EEIG1: variants seen among roughly 807,000 people sequenced by gnomAD.
The protein encoded by EEIG1 is estrogen-induced osteoclastogenesis regulator 1.
At chr9:127,945,322 C>T in the EEIG1 span, 27 of 1,438,032 alleles carry the variant, frequency 1.9e-5, no homozygotes, top group Admixed American at 2.7e-4. This position sits in a 1 kb window ranked among gnomAD's most constrained non-coding sequence, Gnocchi z 6.5. Flanking sequence ...AAGGCACCAC[C>T]GGGAGAGGTC....
At chr9:127,949,436 A>C in the EEIG1 span, among the ~76,000 whole-genome samples, 8 of 152,030 alleles carry the variant, frequency 5.3e-5, no homozygotes, top group Non-Finnish European at 8.8e-5. Context: ...AGACTCAGAG[A>C]GGGGAAGTGA....
At chr9:127,941,348 C>G in the EEIG1 span, 1 of 152,634 alleles carries the variant, frequency 6.6e-6, no homozygotes, top group Admixed American at 6.5e-5. Context: ...CCCTCCTAGG[C>G]TGGGTGAGGT....
At chr9:127,974,661 G>A in the EEIG1 span, among the ~76,000 whole-genome samples, 15 of 152,242 alleles carry the variant, frequency 9.9e-5, no homozygotes, top group South Asian at 4.1e-4. Context: ...GCTGCCTGCC[G>A]GGATCCAGTG....
At chr9:127,948,091 C>A in the EEIG1 span, 1 of 1,612,108 alleles carries the variant, frequency 6.2e-7, no homozygotes, top group Admixed American at 1.7e-5. Flanking sequence ...AATAGTGGGC[C>A]GAGCCTTGGG....
At chr9:127,948,148 G>A in the EEIG1 span, 7 of 1,613,960 alleles carry the variant, frequency 4.3e-6, no homozygotes, top group Non-Finnish European at 5.9e-6. Flanking sequence ...CCCACTGCTG[G>A]TCCCACCACC....
the EEIG1 span, among the ~76,000 whole-genome samples, chr9:127,972,379 C>A: frequency 6.6e-6 from 1 of 152,198 alleles, no homozygotes; most frequent in Non-Finnish European, 1.5e-5. This position sits in a 1 kb window ranked among gnomAD's most constrained non-coding sequence, Gnocchi z 4.3. Flanking sequence ...GGAGTGCCAG[C>A]GGCCATGCAG....
chr9:127,969,628 T>A, the EEIG1 span, among the ~76,000 whole-genome samples: 6 of 152,112 alleles, frequency 3.9e-5, no homozygotes, highest in Non-Finnish European at 1.5e-5. Context: ...GCCCTCCCCA[T>A]GAACAGCCAA....
the EEIG1 span, chr9:127,948,078 G>A: frequency 2.0e-5 from 33 of 1,611,342 alleles, 1 homozygote; most frequent in South Asian, 3.4e-4. Context: ...TACCTGAGCT[G>A]AGAATAGTGG....
At chr9:127,966,386 C>A in the EEIG1 span, among the ~76,000 whole-genome samples, 1 of 151,280 alleles carries the variant, frequency 6.6e-6, no homozygotes, top group Non-Finnish European at 1.5e-5. Context: ...GACTGGAGGA[C>A]TGCTTGAGCC....
At chr9:127,980,073 G>A in the EEIG1 span, 1 of 1,614,014 alleles carries the variant, frequency 6.2e-7, no homozygotes, top group South Asian at 1.1e-5. Flanking sequence ...GGGAACCGCA[G>A]TCAGCTCCTC....
chr9:127,949,630 G>A, the EEIG1 span, among the ~76,000 whole-genome samples: 2 of 152,156 alleles, frequency 1.3e-5, no homozygotes, highest in South Asian at 2.1e-4. Context: ...TGGCATCTCC[G>A]GTTCCCTCTG....
At chr9:127,979,784 G>A in the EEIG1 span, among the ~76,000 whole-genome samples, 2 of 152,226 alleles carry the variant, frequency 1.3e-5, no homozygotes, top group Non-Finnish European at 2.9e-5. Flanking sequence ...AAGGCTGAAA[G>A]ACTAGACCCC....
At chr9:127,945,093 T>C in the EEIG1 span, among the ~76,000 whole-genome samples, 2 of 152,224 alleles carry the variant, frequency 1.3e-5, no homozygotes, top group Non-Finnish European at 2.9e-5. This position sits in a 1 kb window ranked among gnomAD's most constrained non-coding sequence, Gnocchi z 6.5. Flanking sequence ...TAGACGAGGA[T>C]GCCAGGCAAT....
the EEIG1 span, among the ~76,000 whole-genome samples, chr9:127,969,526 C>A: frequency 6.6e-5 from 10 of 152,142 alleles, no homozygotes; most frequent in Non-Finnish European, 1.5e-4. Flanking sequence ...ACCCATTTCA[C>A]CCAAGCATCA....
the EEIG1 span, among the ~76,000 whole-genome samples, chr9:127,959,572 G>A: frequency 7.2e-5 from 11 of 152,306 alleles, no homozygotes; most frequent in African/African-American, 2.6e-4. Context: ...CTGGGGGGAG[G>A]TGATTGGATC....
At chr9:127,953,988 G>A in the EEIG1 span, 1 of 1,598,202 alleles carries the variant, frequency 6.3e-7, no homozygotes. Context: ...ACTCCATGTG[G>A]TACCAGGGAC....
the EEIG1 span, among the ~76,000 whole-genome samples, chr9:127,955,675 CCAGGTGGAGGAGA>C: frequency 6.6e-6 from 1 of 152,190 alleles, no homozygotes; most frequent in African/African-American, 2.4e-5. Flanking sequence ...TGGGGAGTAG[CCAGGTGGAGGAGA>C]CAGTTCCAAA....
At chr9:127,961,231 C>A in the EEIG1 span, among the ~76,000 whole-genome samples, 2 of 152,222 alleles carry the variant, frequency 1.3e-5, no homozygotes, top group African/African-American at 4.8e-5. Context: ...ACTGCCTCCC[C>A]CTCAGCCCCG....
the EEIG1 span, chr9:127,940,738 AGG>A: frequency 6.6e-6 from 1 of 152,170 alleles, no homozygotes; most frequent in Non-Finnish European, 1.5e-5. Context: ...GTTAGAAAGG[AGG>A]GGAGTCAAAG....
Sources: allele counts gnomAD v4.1 joint callset (sites outside exome capture counted in the v4.1 genomes callset), GRCh38; gene constraint gnomAD v4.1.1; non-coding constraint Gnocchi (gnomAD v3.1); transcripts MANE v1.5; gene names NCBI Gene and HGNC (gene_info 2026-07-23, HGNC 2026-07-21).